Variants in HEATR5A observed in about 807,000 individuals in gnomAD.
The protein encoded by HEATR5A is HEAT repeat-containing protein 5A.
Under a neutral mutation model 218.8 loss-of-function variants are expected in HEATR5A, and 178 were observed. The observed-to-expected ratio is 0.81, with a 90% CI of 0.72 to 0.92. The LOEUF is 0.92. HEATR5A is among the 40% of genes least tolerant of loss of function. The pLI is 0.00. For missense variants in HEATR5A, 2,420 were observed against 2,418.9 expected (o/e 1.00, Z -0.01); for synonymous variants, 864 against 871.6 (o/e 0.99, Z 0.15).
At chr14:31,331,983 C>T (rs1325759457) in intron 22 of HEATR5A, among the ~76,000 whole-genome samples, 1 of 152,166 alleles carries the variant, frequency 6.6e-6, no homozygotes, top group Non-Finnish European at 1.5e-5. Context: ...CAAACCATAT[C>T]CTTCTTCTTG....
chr14:31,317,175 G>C lies in HEATR5A; in HGVS notation c.4038+1049C>G, dbSNP rs544658814. ...GTAAAAGCACTCAACTATTTCCCAAGTACAATTAAATAAAAGAAAGTTGAA... is the reference window on the plus strand; with the variant it reads ...GTAAAAGCACTCAACTATTTCCCAACTACAATTAAATAAAAGAAAGTTGAA... On this transcript the variant is annotated intron_variant, in intron 26 of 35. Coordinates refer to ENST00000543095, the MANE Select transcript of HEATR5A (RefSeq NM_015473.4). Among the ~76,000 whole-genome samples, 3 of 151,386 alleles carry C rather than the reference G, an allele frequency of 2.0e-5. No homozygotes were observed. The East Asian group carries it at 5.8e-4, about 29-fold the overall frequency.
intron 6 of HEATR5A, among the ~76,000 whole-genome samples, chr14:31,391,728 T>C (rs1387942296): frequency 1.3e-5 from 2 of 152,200 alleles, no homozygotes; most frequent in African/African-American, 4.8e-5. Context: ...CCATTTCTTA[T>C]CTTTTATATC....
intron 28 of HEATR5A, among the ~76,000 whole-genome samples, chr14:31,312,759 G>A (rs541572822): frequency 1.6e-4 from 25 of 152,160 alleles, no homozygotes; most frequent in African/African-American, 4.1e-4. Context: ...TTAGCTAGGC[G>A]TGGTGGTGTG....
At position 31,294,114 on chromosome 14, in the gene HEATR5A, T is replaced by G; in HGVS notation, c.5620-10A>C. On this transcript the variant is annotated splice_polypyrimidine_tract_variant and intron_variant, in intron 34 of 35. Coordinates refer to ENST00000543095, the MANE Select transcript of HEATR5A (RefSeq NM_015473.4). ...AGGTCTTGATTTGTACCTAATAAGGTAAGAGAAAAGAATAGCAAATACTAT... is the reference window on the plus strand; with the variant it reads ...AGGTCTTGATTTGTACCTAATAAGGGAAGAGAAAAGAATAGCAAATACTAT... 1 of 1,533,368 alleles carries G rather than the reference T, an allele frequency of 6.5e-7. No individual in the cohort carries two copies. Among genetic ancestry groups the G allele is most frequent in the Non-Finnish European group, 8.9e-7 (1 of 1,125,974 alleles). The allele number at this position is 1,533,368 out of a possible 1,614,324, so 95.0% of individuals were successfully genotyped here.
At chr14:31,358,560 T>C in intron 16 of HEATR5A, 77 bp downstream of exon 16, 2 of 1,261,000 alleles carry the variant, frequency 1.6e-6, no homozygotes, top group Non-Finnish European at 2.2e-6. Context: ...TCATTTACGC[T>C]AATGAGATCT....
chr14:31,404,953 G>A (rs553464379), intron 1 of HEATR5A, among the ~76,000 whole-genome samples: 9 of 149,572 alleles, frequency 6.0e-5, no homozygotes, highest in Non-Finnish European at 8.9e-5. Context: ...TGCCATGTGC[G>A]ATGGCTCATG....
intron 11 of HEATR5A, among the ~76,000 whole-genome samples, chr14:31,378,014 CAA>C (rs1902294208): frequency 6.6e-6 from 1 of 152,130 alleles, no homozygotes; most frequent in Non-Finnish European, 1.5e-5. Flanking sequence ...TCTTGTTTAT[CAA>C]AATGCATTTA....
At chr14:31,353,523 CCCATGAGTTCGAGA>C (rs1312993375) in intron 16 of HEATR5A, among the ~76,000 whole-genome samples, 5 of 152,038 alleles carry the variant, frequency 3.3e-5, no homozygotes, top group Non-Finnish European at 5.9e-5. Context: ...ATCGCTTGAG[CCCATGAGTTCGAGA>C]CCAGCCTAGG....
chr14:31,409,933 G>A (rs2031215886), intron 1 of HEATR5A, among the ~76,000 whole-genome samples: 1 of 152,140 alleles, frequency 6.6e-6, no homozygotes, highest in South Asian at 2.1e-4. Flanking sequence ...GGAGAAAAAA[G>A]TATTCTAATC....
chr14:31,376,009 T>G (rs1202645146), intron 11 of HEATR5A, among the ~76,000 whole-genome samples: 1 of 152,226 alleles, frequency 6.6e-6, no homozygotes, highest in East Asian at 1.9e-4. Flanking sequence ...CTGTATGTCT[T>G]TCTTCTGTTC....
At chr14:31,408,449 A>G (rs2031154564) in intron 1 of HEATR5A, among the ~76,000 whole-genome samples, 1 of 152,210 alleles carries the variant, frequency 6.6e-6, no homozygotes, top group South Asian at 2.1e-4. Context: ...CCTGAGAATG[A>G]TAATGCCTTT....
intron 21 of HEATR5A, among the ~76,000 whole-genome samples, chr14:31,340,260 T>C (rs1394389807): frequency 1.3e-5 from 2 of 151,804 alleles, no homozygotes; most frequent in Non-Finnish European, 2.9e-5. Flanking sequence ...CTGGAGAAGG[T>C]TAGGAAGGAT....
chr14:31,358,195 C>A (rs1384886621), intron 16 of HEATR5A, among the ~76,000 whole-genome samples: 1 of 152,108 alleles, frequency 6.6e-6, no homozygotes, highest in Non-Finnish European at 1.5e-5. Context: ...GGTTGGGGAC[C>A]ACTGGTCTAA....
At chr14:31,332,611 A>G (rs1052805382) in intron 22 of HEATR5A, among the ~76,000 whole-genome samples, 1 of 152,204 alleles carries the variant, frequency 6.6e-6, no homozygotes, top group Non-Finnish European at 1.5e-5. Flanking sequence ...TTCTTGAAGG[A>G]AATTTAAAAG....
intron 17 of HEATR5A, among the ~76,000 whole-genome samples, chr14:31,350,382 G>C (rs1485824812): frequency 6.6e-6 from 1 of 152,118 alleles, no homozygotes; most frequent in African/African-American, 2.4e-5. Context: ...TATCAGGATT[G>C]GTAGGTTAAT....
At chr14:31,317,957 T>C (rs1350697030) in intron 26 of HEATR5A, among the ~76,000 whole-genome samples, 1 of 152,132 alleles carries the variant, frequency 6.6e-6, no homozygotes, top group African/African-American at 2.4e-5. Flanking sequence ...AAATGACCTA[T>C]GCACAAGGTC....
At chr14:31,314,730 T>G (rs1479436495) in intron 27 of HEATR5A, among the ~76,000 whole-genome samples, 1 of 152,140 alleles carries the variant, frequency 6.6e-6, no homozygotes, top group Non-Finnish European at 1.5e-5. Context: ...TAGGCACAAC[T>G]ACTTCCTAAT....
At chr14:31,355,637 G>A (rs1457551098) in intron 16 of HEATR5A, among the ~76,000 whole-genome samples, 1 of 152,096 alleles carries the variant, frequency 6.6e-6, no homozygotes, top group Non-Finnish European at 1.5e-5. Context: ...GGGAGGCTGA[G>A]GCAGGAGAAT....
At chr14:31,404,858 A>G (rs2031000345) in intron 1 of HEATR5A, among the ~76,000 whole-genome samples, 1 of 151,746 alleles carries the variant, frequency 6.6e-6, no homozygotes. Flanking sequence ...AGGCTTCAGT[A>G]AGCCATGACC....
Sources: allele counts gnomAD v4.1 joint callset (sites outside exome capture counted in the v4.1 genomes callset), GRCh38; gene constraint gnomAD v4.1.1; transcripts MANE v1.5; gene names NCBI Gene and HGNC (gene_info 2026-07-23, HGNC 2026-07-21).